KIF16B: variants seen among roughly 807,000 people sequenced by gnomAD.
The protein encoded by KIF16B is kinesin family member 16B.
Under a neutral mutation model 156.3 loss-of-function variants are expected in KIF16B, and 98 were observed. That is an observed-to-expected ratio of 0.63 (90% CI 0.53 to 0.74). The LOEUF (loss-of-function observed/expected upper bound fraction) is 0.74. Among genes scored for constraint, KIF16B ranks in the 30% least tolerant of loss-of-function variants. KIF16B has a pLI of 0.00. For missense variants in KIF16B, 1,421 were observed against 1,606.5 expected, an observed-to-expected ratio of 0.88 and a Z score of 1.97; for synonymous variants, 564 against 583.7, an observed-to-expected ratio of 0.97 and a Z score of 0.49.
intron 22 of KIF16B, chr20:16,367,292 G>A: frequency 6.2e-7 from 1 of 1,612,848 alleles, no homozygotes. Flanking sequence ...TCCTGAAGGT[G>A]CTCAGGTGGA....
chr20:16,490,106 A>C (rs1386250754), intron 12 of KIF16B, among the ~76,000 whole-genome samples: 4 of 152,156 alleles, frequency 2.6e-5, no homozygotes, highest in Admixed American at 2.6e-4. Flanking sequence ...CTGGATTACG[A>C]CACCCTAAAA....
chr20:16,370,638 T>C lies in KIF16B; in HGVS notation c.3448-2A>G. 1 of 1,583,190 alleles carries C rather than the reference T, an allele frequency of 6.3e-7. No individual in the cohort carries two copies. Among genetic ancestry groups the C allele is most frequent in the East Asian group, 2.3e-5 (1 of 43,248 alleles). ...GCCATTGTGAAGTTTCTCATTATCC[T>C]GAAAAGAAAAGAAAAAGCCCTCTAT... On this transcript the variant is annotated splice_acceptor_variant, in intron 21 of 25. Transcript: ENST00000354981. LOFTEE classifies it high-confidence loss of function.
Position 16,356,338 on chromosome 20 carries a change from C to T in KIF16B, c.3613G>A (p.Glu1205Lys), listed in dbSNP as rs2123151006. The stretch of plus-strand genomic sequence containing the variant: ...GTCAAGAAGACACTCACCTTGACCT[C>T]AAACTCGAAGTGTGCATCCTTTCCT... ...GQGKDAHFEF[E>K]VKITVLDETW... Residue 1205 changes from glutamate (E) to lysine (K), a missense_variant, in exon 23 of 26, where the codon GAG becomes AAG. Physicochemically the swap from Glu to Lys is moderately conservative, Grantham distance 56. Coordinates refer to ENST00000354981, the MANE Select transcript of KIF16B (RefSeq NM_024704.5). 1 of 1,614,148 alleles carries T rather than the reference C, an allele frequency of 6.2e-7. No individual in the cohort carries two copies. The highest frequency in any genetic ancestry group is 2.2e-5 in the East Asian group (1 of 44,870).
chr20:16,467,310 C>T (rs2067519829), intron 12 of KIF16B, among the ~76,000 whole-genome samples: 1 of 152,136 alleles, frequency 6.6e-6, no homozygotes, highest in Non-Finnish European at 1.5e-5. Context: ...CCCCACGCCT[C>T]ACCACCACCT....
At chr20:16,399,781 AC>A (rs1269439090) in intron 17 of KIF16B, among the ~76,000 whole-genome samples, 4 of 152,160 alleles carry the variant, frequency 2.6e-5, no homozygotes, top group African/African-American at 9.7e-5. Context: ...GGCAAGCAGC[AC>A]CCAACCAGTT....
chr20:16,494,981 C>G (rs1384954567), intron 11 of KIF16B, among the ~76,000 whole-genome samples: 1 of 152,178 alleles, frequency 6.6e-6, no homozygotes, highest in African/African-American at 2.4e-5. Flanking sequence ...GAACACAGCA[C>G]AGTTGGAAAT....
chr20:16,421,271 C>T (rs571578540), intron 15 of KIF16B, among the ~76,000 whole-genome samples: 3 of 152,244 alleles, frequency 2.0e-5, no homozygotes, highest in African/African-American at 7.2e-5. Context: ...ATATTTAATG[C>T]TGTTCCCCAT....
chr20:16,491,038 C>A (rs908682754), intron 12 of KIF16B, among the ~76,000 whole-genome samples: 4 of 152,050 alleles, frequency 2.6e-5, no homozygotes, highest in Non-Finnish European at 5.9e-5. Context: ...AGAAGCAAAA[C>A]CAAATACTGC....
chr20:16,429,117 T>C (rs2066433443), intron 13 of KIF16B, 113 bp from the exon 14 acceptor site: 2 of 874,042 alleles, frequency 2.3e-6, no homozygotes, highest in African/African-American at 3.3e-5. Flanking sequence ...AACAACATCC[T>C]GGCAGGCCAC....
chr20:16,523,968 C>T (rs554510453), intron 3 of KIF16B, among the ~76,000 whole-genome samples: 1 of 152,082 alleles, frequency 6.6e-6, no homozygotes, highest in Non-Finnish European at 1.5e-5. Context: ...AACTGGCTAG[C>T]CATATGCAGA....
At chr20:16,484,530 G>A (rs139176184) in intron 12 of KIF16B, among the ~76,000 whole-genome samples, 2 of 152,182 alleles carry the variant, frequency 1.3e-5, no homozygotes, top group Non-Finnish European at 2.9e-5. Context: ...ACTTTAATGA[G>A]AGGTTGACAA....
In KIF16B at chr20:16,342,129, C is replaced by A. The variant is rs564156229; in HGVS notation, c.3622-6114G>T. ...CCCTGGAAGAATCATTTATTCCATCCCCTCCATGATCCCTTAGCATTTGGT... is the reference window on the plus strand; with the variant it reads ...CCCTGGAAGAATCATTTATTCCATCACCTCCATGATCCCTTAGCATTTGGT... On this transcript the variant is annotated intron_variant, in intron 23 of 25. Transcript: ENST00000354981. Among the ~76,000 whole-genome samples the A allele has an allele frequency of 2.0e-5, 3 of 152,238 alleles. No individual in the cohort carries two copies. In the East Asian group the frequency reaches 5.8e-4, roughly 29 times the overall value.
At chr20:16,291,010 A>G (rs1314610803) in intron 25 of KIF16B, among the ~76,000 whole-genome samples, 3 of 152,252 alleles carry the variant, frequency 2.0e-5, no homozygotes, top group African/African-American at 4.8e-5. Context: ...TAAAAAAGAA[A>G]AAGAAAAAGA....
intron 15 of KIF16B, among the ~76,000 whole-genome samples, chr20:16,410,344 T>C (rs892000013): frequency 3.8e-4 from 56 of 149,114 alleles, no homozygotes; most frequent in African/African-American, 1.3e-3. Flanking sequence ...TATGTGTGTG[T>C]ATATATATAT....
At chr20:16,564,471 T>C (rs1291710511) in intron 1 of KIF16B, among the ~76,000 whole-genome samples, 1 of 151,670 alleles carries the variant, frequency 6.6e-6, no homozygotes, top group South Asian at 2.1e-4. Context: ...ATGAGAACAC[T>C]TGGACACAGG....
intron 12 of KIF16B, among the ~76,000 whole-genome samples, chr20:16,489,533 T>TA (rs902759089): frequency 1.3e-4 from 20 of 151,838 alleles, no homozygotes; most frequent in Non-Finnish European, 2.4e-4. Context: ...CCCATCTTTA[T>TA]AAAAAATACA....
intron 1 of KIF16B, 112 bp from the exon 2 acceptor site, chr20:16,528,552 T>G (rs2147156049): frequency 6.4e-6 from 5 of 782,508 alleles, no homozygotes; most frequent in Non-Finnish European, 1.1e-5. Flanking sequence ...TATTTTCAAA[T>G]GGCATCTGAG....
At position 16,404,919 on chromosome 20, in the gene KIF16B, G is replaced by A. The variant is rs531446645; in HGVS notation, c.1696-18C>T. ...AGGCCACTCTAAGGGCAGACACAGG[G>A]CAGAGTGGTTACCTTAGCAGAGAAG... On this transcript the variant is annotated intron_variant, in intron 16 of 25. Transcript: ENST00000354981. 7 of 1,592,224 alleles carry A rather than the reference G, an allele frequency of 4.4e-6. No homozygotes were observed. The highest frequency in any genetic ancestry group is 2.7e-5 in the African/African-American group (2 of 74,588).
intron 25 of KIF16B, among the ~76,000 whole-genome samples, chr20:16,298,240 A>G (rs753801410): frequency 6.6e-6 from 1 of 152,242 alleles, no homozygotes; most frequent in Non-Finnish European, 1.5e-5. Context: ...AGGTTTGAGA[A>G]CCACAGCTTT....
Sources: allele counts gnomAD v4.1 joint callset (sites outside exome capture counted in the v4.1 genomes callset), GRCh38; gene constraint gnomAD v4.1.1; transcripts MANE v1.5; gene names NCBI Gene and HGNC (gene_info 2026-07-23, HGNC 2026-07-21).